Variants in ELMO1 observed in about 807,000 individuals in gnomAD.
The protein encoded by ELMO1 is engulfment and cell motility 1, also known as engulfment and cell motility protein 1.
Under a neutral mutation model 98.9 loss-of-function variants are expected in ELMO1, and 26 were observed. The observed-to-expected ratio is 0.26, with a 90% CI of 0.19 to 0.36. The LOEUF (loss-of-function observed/expected upper bound fraction) is 0.36, where lower values mean the gene tolerates loss of function less well. Among genes scored for constraint, ELMO1 ranks in the 10% least tolerant of loss-of-function variants. ELMO1 has a pLI of 1.00. For synonymous variants in ELMO1, 346 were observed against 346.0 expected (o/e 1.00, Z 0.00); for missense variants, 627 against 935.2 (o/e 0.67, Z 4.30).
chr7:37,286,687 G>A (rs1305808592), intron 4 of ELMO1, among the ~76,000 whole-genome samples: 1 of 152,170 alleles, frequency 6.6e-6, no homozygotes, highest in Non-Finnish European at 1.5e-5. Flanking sequence ...GAGAATCTCA[G>A]GCAGAGGAAA....
At chr7:37,060,845 G>C (rs1796630769) in intron 15 of ELMO1, among the ~76,000 whole-genome samples, 1 of 150,722 alleles carries the variant, frequency 6.6e-6, no homozygotes, top group Non-Finnish European at 1.5e-5. Context: ...CTGGATTCTG[G>C]CCCAATTTGG....
At chr7:37,014,071 A>T (rs1031191371) in intron 15 of ELMO1, among the ~76,000 whole-genome samples, 2 of 152,128 alleles carry the variant, frequency 1.3e-5, no homozygotes, top group African/African-American at 4.8e-5. Flanking sequence ...GTCCTGGGCA[A>T]AATCATAAAA....
At chr7:37,095,029 G>T (rs1223408156) in intron 15 of ELMO1, among the ~76,000 whole-genome samples, 1 of 152,204 alleles carries the variant, frequency 6.6e-6, no homozygotes, top group African/African-American at 2.4e-5. Context: ...GAACATGAGT[G>T]AAGGTACACA....
At chr7:37,418,970 C>A (rs1004596727) in intron 1 of ELMO1, among the ~76,000 whole-genome samples, 1 of 152,036 alleles carries the variant, frequency 6.6e-6, no homozygotes, top group Non-Finnish European at 1.5e-5. Flanking sequence ...GAGCACCCAG[C>A]GTGATTGAGA....
chr7:37,392,728 T>C (rs1009531179), intron 1 of ELMO1, among the ~76,000 whole-genome samples: 1 of 152,246 alleles, frequency 6.6e-6, no homozygotes, highest in Admixed American at 6.5e-5. Flanking sequence ...AATGCTCTCC[T>C]GATTACAACT....
chr7:37,124,883 C>G (rs913800248), intron 14 of ELMO1, among the ~76,000 whole-genome samples: 5 of 152,194 alleles, frequency 3.3e-5, no homozygotes, highest in Non-Finnish European at 7.3e-5. Flanking sequence ...TGACTTCAAA[C>G]TATACTATAA....
chr7:37,362,107 T>A (rs934497960), intron 1 of ELMO1, among the ~76,000 whole-genome samples: 15 of 152,126 alleles, frequency 9.9e-5, no homozygotes, highest in African/African-American at 3.4e-4. Flanking sequence ...AAAATAAAGC[T>A]GTAAAATGGT....
intron 1 of ELMO1, among the ~76,000 whole-genome samples, chr7:37,402,389 C>G (rs373722113): frequency 6.6e-6 from 1 of 152,086 alleles, no homozygotes; most frequent in East Asian, 1.9e-4. Context: ...CAGAGAAAAT[C>G]TGCTGGGTTT....
intron 13 of ELMO1, among the ~76,000 whole-genome samples, chr7:37,164,610 C>T (rs1359660599): frequency 6.6e-6 from 1 of 152,080 alleles, no homozygotes; most frequent in African/African-American, 2.4e-5. Context: ...TTCCCTATTT[C>T]TTGTTTTTCT....
At chr7:36,971,799 G>A (rs765297433) in intron 16 of ELMO1, among the ~76,000 whole-genome samples, 9 of 152,108 alleles carry the variant, frequency 5.9e-5, no homozygotes, top group Admixed American at 2.0e-4. Flanking sequence ...GTGTCGGAGC[G>A]GGTCCTTTTC....
At chr7:37,428,864 G>T (rs1647796) in intron 1 of ELMO1, among the ~76,000 whole-genome samples, 151,558 of 152,362 alleles carry the variant, frequency 0.99, 75,388 homozygotes, top group Middle Eastern at 1. Context: ...AAATTTAAGA[G>T]GCAGTCTTGG....
intron 15 of ELMO1, among the ~76,000 whole-genome samples, chr7:37,045,724 C>G (rs898061131): frequency 6.6e-6 from 1 of 152,136 alleles, no homozygotes; most frequent in African/African-American, 2.4e-5. Context: ...AATACATCTT[C>G]CTTTTCCCAG....
At position 37,233,156 on chromosome 7, in the gene ELMO1, A is replaced by G. The variant is rs940834262; in HGVS notation, c.488T>C (p.Val163Ala). ...DMLSFTLTAF[V>A]ELMDHGIVSW... ...CACTATGCCATGGTCCATCAGCTCAACGAAGGCCGTCAGGGTGAAGGACAG... is the reference window on the plus strand; with the variant it reads ...CACTATGCCATGGTCCATCAGCTCAGCGAAGGCCGTCAGGGTGAAGGACAG... The change falls in exon 8 of 22, where the codon GTT becomes GCT. Residue 163 changes from valine (V) to alanine (A), a missense_variant. Transcript: ENST00000310758. The G allele has an allele frequency of 6.8e-6, 11 of 1,613,716 alleles. No homozygotes were observed. Among genetic ancestry groups the G allele is most frequent in the Non-Finnish European group, 8.5e-6 (10 of 1,179,860 alleles).
At chr7:37,142,901 C>A (rs1787731219) in intron 13 of ELMO1, among the ~76,000 whole-genome samples, 1 of 152,102 alleles carries the variant, frequency 6.6e-6, no homozygotes, top group African/African-American at 2.4e-5. Flanking sequence ...GGAGAAGATC[C>A]CATGGCTCAA....
chr7:37,363,621 C>T (rs1040408855), intron 1 of ELMO1, among the ~76,000 whole-genome samples: 2 of 152,216 alleles, frequency 1.3e-5, no homozygotes, highest in African/African-American at 4.8e-5. Context: ...TCTCCATTTT[C>T]CCTTTCTACG....
intron 16 of ELMO1, among the ~76,000 whole-genome samples, chr7:36,976,433 G>T (rs535865228): frequency 1.3e-5 from 2 of 152,114 alleles, no homozygotes; most frequent in Non-Finnish European, 2.9e-5. Context: ...TTTTCTTCTC[G>T]ATTGAGCTTA....
At chr7:37,010,676 T>G (rs1431649363) in intron 16 of ELMO1, among the ~76,000 whole-genome samples, 2 of 152,254 alleles carry the variant, frequency 1.3e-5, no homozygotes, top group East Asian at 3.8e-4. Context: ...TGCTGCCGCC[T>G]TGATTTTGTC....
chr7:37,015,550 G>A (rs1312870141), intron 15 of ELMO1, among the ~76,000 whole-genome samples: 2 of 151,778 alleles, frequency 1.3e-5, no homozygotes, highest in African/African-American at 2.4e-5. Flanking sequence ...GCAGTGAACC[G>A]AGATCACACC....
intron 4 of ELMO1, among the ~76,000 whole-genome samples, chr7:37,293,276 AG>A (rs1269452715): frequency 2.2e-5 from 3 of 136,054 alleles, no homozygotes; most frequent in Admixed American, 7.2e-5. Flanking sequence ...TAGAATAGAA[AG>A]GGGGGAAAGG....
Sources: gnomAD v4.1 joint callset for allele counts (sites outside exome capture counted in the v4.1 genomes callset) on GRCh38, gnomAD v4.1.1 for gene constraint, MANE v1.5 for transcripts, NCBI Gene and HGNC (gene_info 2026-07-23, HGNC 2026-07-21) for gene names.